Variants in AK8 observed in about 807,000 individuals in gnomAD.
AK8 encodes adenylate kinase 8.
A neutral mutation model predicts 54.6 loss-of-function variants in AK8; 44 were observed. The observed-to-expected ratio is 0.81, with a 90% confidence interval of 0.63 to 1.04. AK8 has a LOEUF of 1.04. Ranked by LOEUF, AK8 falls within the 50% of genes least tolerant of loss-of-function variation. The pLI is 0.00. For synonymous variants in AK8, 239 were observed against 245.6 expected, an observed-to-expected ratio of 0.97 and a Z score of 0.25; for missense variants, 555 against 613.6, an observed-to-expected ratio of 0.90 and a Z score of 1.01.
At chr9:132,782,758 T>C (rs373793282) in intron 11 of AK8, among the ~76,000 whole-genome samples, 15 of 152,230 alleles carry the variant, frequency 9.9e-5, no homozygotes, top group African/African-American at 3.1e-4. Flanking sequence ...TGGCATTAAC[T>C]ATGTTAGGAA....
intron 7 of AK8, chr9:132,827,341 T>C: frequency 2.1e-6 from 1 of 481,770 alleles, no homozygotes; most frequent in Non-Finnish European, 3.8e-6. Flanking sequence ...ACCTGCAGAC[T>C]CCCATTTCAT....
At chr9:132,865,693 G>T (rs1307444867) in intron 3 of AK8, among the ~76,000 whole-genome samples, 1 of 152,050 alleles carries the variant, frequency 6.6e-6, no homozygotes, top group Non-Finnish European at 1.5e-5. Context: ...TACGCCTGTA[G>T]TCCCAGCTTC....
chr9:132,820,274 T>G (rs1045025879), intron 9 of AK8, among the ~76,000 whole-genome samples: 2 of 151,464 alleles, frequency 1.3e-5, no homozygotes, highest in South Asian at 2.1e-4. Context: ...CAGTTTGGTG[T>G]ATGGATATTT....
intron 8 of AK8, among the ~76,000 whole-genome samples, chr9:132,825,278 T>C (rs1232384037): frequency 6.6e-6 from 1 of 152,248 alleles, no homozygotes; most frequent in Non-Finnish European, 1.5e-5. Flanking sequence ...ACAGAGAGAA[T>C]TCTGCATTCC....
rs996423242 is a variant in AK8, at chr9:132,770,369, G to A, written c.1121+22265C>T. Among the ~76,000 whole-genome samples the A allele has an allele frequency of 5.3e-5, 8 of 152,106 alleles. No homozygotes were observed. The highest frequency in any genetic ancestry group is 1.9e-4 in the African/African-American group (8 of 41,448). On this transcript the variant is annotated intron_variant, in intron 11 of 12. Transcript: ENST00000298545. The surrounding 1 kb of genome is among the most constrained non-coding windows in gnomAD (Gnocchi z 4.3). ...CCTCAGTGCCATGAGGACCGCGCTC[G>A]ATGGCGTCCAGGGGCCTCTGGGTTT...
At chr9:132,875,031 G>T (rs1281383879) in intron 2 of AK8, 84 bp downstream of exon 2, 1 of 1,536,656 alleles carries the variant, frequency 6.5e-7, no homozygotes, top group Non-Finnish European at 8.9e-7. Context: ...AAGAGGAGGA[G>T]GAGGCAGAGG....
At chr9:132,815,397 T>C (rs943360504) in intron 9 of AK8, among the ~76,000 whole-genome samples, 1 of 151,862 alleles carries the variant, frequency 6.6e-6, no homozygotes, top group Non-Finnish European at 1.5e-5. Flanking sequence ...CTACTAAAAA[T>C]ACAAAAATTA....
intron 5 of AK8, among the ~76,000 whole-genome samples, chr9:132,848,144 G>A (rs2057786): frequency 0.44 from 35,188 of 79,290 alleles, 8,029 homozygotes; most frequent in South Asian, 0.67. Context: ...AAAAAAAAAA[G>A]ATTGAAGAGA....
At chr9:132,845,758 G>C (rs937369452) in intron 5 of AK8, among the ~76,000 whole-genome samples, 1 of 142,326 alleles carries the variant, frequency 7.0e-6, no homozygotes, top group African/African-American at 2.5e-5. Context: ...TCCAGCCTGG[G>C]CAAGAACGAA....
Position 132,760,528 on chromosome 9 carries a change from C to T in AK8, c.1121+32106G>A, listed in dbSNP as rs183337011. Among the ~76,000 whole-genome samples, 5 of 152,282 alleles carry T rather than the reference C, an allele frequency of 3.3e-5. No individual in the cohort carries two copies. In the East Asian group the frequency reaches 9.6e-4, roughly 29 times the overall value. ...TTTCTTAATGTAGATAATCATAACA[C>T]CTGCCAATAATGACTTTTGGTCCTT... On this transcript the variant is annotated intron_variant, in intron 11 of 12. Coordinates refer to ENST00000298545, the MANE Select transcript of AK8 (RefSeq NM_152572.3).
At chr9:132,782,039 T>C (rs956041277) in intron 11 of AK8, among the ~76,000 whole-genome samples, 1 of 152,208 alleles carries the variant, frequency 6.6e-6, no homozygotes, top group African/African-American at 2.4e-5. Flanking sequence ...AGATTTTTTG[T>C]TCCTGCCTGT....
At chr9:132,828,251 C>T (rs1328260655) in intron 6 of AK8, among the ~76,000 whole-genome samples, 167 bp from the exon 7 acceptor site, 4 of 152,246 alleles carry the variant, frequency 2.6e-5, no homozygotes, top group Non-Finnish European at 5.9e-5. Context: ...AAGGTCTTCT[C>T]GCACCCAAAC....
At position 132,799,239 on chromosome 9, in the gene AK8, T is replaced by C. The variant is rs1235711304; in HGVS notation, c.980-6464A>G. On this transcript the variant is annotated intron_variant, in intron 10 of 12. Coordinates refer to ENST00000298545, the MANE Select transcript of AK8 (RefSeq NM_152572.3). The surrounding 1 kb of genome is among the most constrained non-coding windows in gnomAD (Gnocchi z 5.0). ...TGGCTTTCTGCCCATCAGTTATTGT[T>C]GAGGGAGAAGATATGAGGGACACTA... 6.6e-6 allele frequency among the ~76,000 whole-genome samples: 1 copy of C among 152,148 alleles called. No individual in the cohort carries two copies. The highest frequency in any genetic ancestry group is 1.5e-5 in the Non-Finnish European group (1 of 68,026).
chr9:132,878,204 C>G lies in AK8; in HGVS notation c.52G>C (p.Gly18Arg). The change falls in exon 1 of 13, where the codon GGG becomes CGG. Residue 18 changes from glycine (G) to arginine (R), a missense_variant. By Grantham distance (125) the Gly-to-Arg change is moderately radical. Coordinates refer to ENST00000298545, the MANE Select transcript of AK8 (RefSeq NM_152572.3). This position sits in a 1 kb window ranked among gnomAD's most constrained non-coding sequence, Gnocchi z 4.7. ...HRIPPEMPQY[G>R]EENHIFELMQ... ...AACTCGAAGATGTGGTTCTCCTCCC[C>G]GTACTGGGGCATCTCGGGGGGGATA... The G allele has an allele frequency of 2.7e-6, 4 of 1,463,430 alleles. No homozygotes were observed. The highest frequency in any genetic ancestry group is 2.7e-6 in the Non-Finnish European group (3 of 1,104,398). 90.7% of individuals were successfully genotyped at this position (1,463,430 alleles called of 1,614,324 possible).
intron 5 of AK8, among the ~76,000 whole-genome samples, chr9:132,838,212 T>G (rs1206651845): frequency 1.3e-5 from 2 of 151,932 alleles, no homozygotes; most frequent in Non-Finnish European, 2.9e-5. Context: ...CTGACTCATG[T>G]TATGGGCAGG....
intron 11 of AK8, among the ~76,000 whole-genome samples, chr9:132,773,465 A>G (rs1320058155): frequency 2.0e-5 from 3 of 152,158 alleles, no homozygotes; most frequent in Non-Finnish European, 2.9e-5. Flanking sequence ...CATATTATGC[A>G]TCTGGTGTTT....
chr9:132,826,750 C>T lies in AK8; in HGVS notation c.757+104G>A. On this transcript the variant is annotated intron_variant, in intron 8 of 12. Transcript: ENST00000298545. This position sits in a 1 kb window ranked among gnomAD's most constrained non-coding sequence, Gnocchi z 4.5. ...TTGACTTCCAGGGTCCCAGGCATGT[C>T]CCAGACACTGGCCACTACCAGAATA... 2 of 1,339,204 alleles carry T rather than the reference C, an allele frequency of 1.5e-6. No homozygotes were observed. Among genetic ancestry groups the T allele is most frequent in the South Asian group, 2.6e-5 (2 of 77,318 alleles). 83.0% of individuals were successfully genotyped at this position (1,339,204 alleles called of 1,614,324 possible). A position where few individuals can be genotyped will look rare whatever the true frequency, so the allele number is the denominator to read the frequency against.
intron 11 of AK8, among the ~76,000 whole-genome samples, chr9:132,732,824 A>G (rs961504367): frequency 2.0e-5 from 3 of 152,148 alleles, no homozygotes; most frequent in African/African-American, 7.2e-5. Flanking sequence ...TCTCTTGCCT[A>G]GGCTGGGTTT....
intron 11 of AK8, among the ~76,000 whole-genome samples, chr9:132,741,376 C>T (rs753858230): frequency 3.3e-5 from 5 of 152,188 alleles, no homozygotes; most frequent in Non-Finnish European, 5.9e-5. Flanking sequence ...CCTGGTACTC[C>T]GAGCTCTAAC....
Sources: gnomAD v4.1 joint callset for allele counts (sites outside exome capture counted in the v4.1 genomes callset) on GRCh38, gnomAD v4.1.1 for gene constraint, Gnocchi (gnomAD v3.1) non-coding constraint, MANE v1.5 for transcripts, NCBI Gene and HGNC (gene_info 2026-07-23, HGNC 2026-07-21) for gene names.